The following ARHGAP39 variants were observed in gnomAD, a reference collection of about 807,000 sequenced individuals.
ARHGAP39 encodes rho GTPase-activating protein 39.
Under a neutral mutation model 106.9 loss-of-function variants are expected in ARHGAP39, and 44 were observed. The ratio of observed to expected loss-of-function variants is 0.41; its 90% CI spans 0.32 to 0.53. ARHGAP39 has a LOEUF of 0.53. ARHGAP39 is among the 20% of genes least tolerant of loss of function. The pLI is 0.21. For missense variants in ARHGAP39, 1,496 were observed against 1,577.3 expected, an observed-to-expected ratio of 0.95 and a Z score of 0.87; for synonymous variants, 768 against 693.2, an observed-to-expected ratio of 1.11 and a Z score of -1.69.
intron 2 of ARHGAP39, among the ~76,000 whole-genome samples, chr8:144,588,545 C>T (rs904995961): frequency 2.5e-4 from 38 of 152,204 alleles, no homozygotes; most frequent in African/African-American, 7.2e-4. Flanking sequence ...CCGCGGAGAG[C>T]GGCAGACTGG....
In ARHGAP39 at chr8:144,684,249, T is replaced by C. The variant is rs1304196757; in HGVS notation, c.-82+1437A>G. The stretch of plus-strand genomic sequence containing the variant: ...CAGAGCCTGCGCCCAGGGCGGTTTA[T>C]GGAATGAGTCTCCTCGATTTACAGC... On this transcript the variant is annotated intron_variant, in intron 1 of 11. Transcript: ENST00000377307. The surrounding 1 kb of genome is among the most constrained non-coding windows in gnomAD (Gnocchi z 4.4). Among the ~76,000 whole-genome samples, 1 of 152,188 alleles carries C rather than the reference T, an allele frequency of 6.6e-6. No homozygotes were observed. The highest frequency in any genetic ancestry group is 6.5e-5 in the Admixed American group (1 of 15,284).
chr8:144,569,348 A>G (rs539882536), intron 3 of ARHGAP39, among the ~76,000 whole-genome samples: 1 of 152,260 alleles, frequency 6.6e-6, no homozygotes, highest in African/African-American at 2.4e-5. Flanking sequence ...AGACTTGTAC[A>G]TGAATGTTCA....
Position 144,529,222 on chromosome 8 carries a change from G to C in ARHGAP39, c.*1200C>G, listed in dbSNP as rs981036911. ...TATTCACTCGTGTCGTCGCCTCTCG[G>C]GTCCATGCGTCGGGGCGAGCGTCTC... On this transcript the variant is annotated 3_prime_UTR_variant, in exon 12 of 12. Coordinates refer to ENST00000377307, the MANE Select transcript of ARHGAP39 (RefSeq NM_025251.3). 2 of 275,948 alleles carry C rather than the reference G, an allele frequency of 7.2e-6. No individual in the cohort carries two copies. Among genetic ancestry groups the C allele is most frequent in the Admixed American group, 1.1e-4 (2 of 18,292 alleles). 17.1% of individuals were successfully genotyped at this position (275,948 alleles called of 1,614,324 possible). A position where few individuals can be genotyped will look rare whatever the true frequency, so the allele number is the denominator to read the frequency against.
chr8:144,537,008 C>A, intron 7 of ARHGAP39, among the ~76,000 whole-genome samples: 1 of 152,210 alleles, frequency 6.6e-6, no homozygotes, highest in Admixed American at 6.5e-5. Flanking sequence ...GACCACACTG[C>A]AGGGGTCGGG....
rs1284383406 is a variant in ARHGAP39, at chr8:144,647,572, C to G, written c.-82+38114G>C. On this transcript the variant is annotated intron_variant, in intron 1 of 11. Transcript: ENST00000377307. This position sits in a 1 kb window ranked among gnomAD's most constrained non-coding sequence, Gnocchi z 4.8. The stretch of plus-strand genomic sequence containing the variant: ...CCACGCCTGAACAGAGACTCTCATT[C>G]TTCCTGAGGAAATGAAAACAAAACA... 6.6e-6 allele frequency among the ~76,000 whole-genome samples: 1 copy of G among 152,268 alleles called. No homozygotes were observed. Among genetic ancestry groups the G allele is most frequent in the African/African-American group, 2.4e-5 (1 of 41,476 alleles).
At chr8:144,626,973 C>T (rs375292543) in intron 1 of ARHGAP39, among the ~76,000 whole-genome samples, 1 of 152,242 alleles carries the variant, frequency 6.6e-6, no homozygotes, top group East Asian at 1.9e-4. Context: ...TTGCAGCTGT[C>T]GGGGCCATGT....
chr8:144,633,237 T>C (rs1373112905), intron 1 of ARHGAP39, among the ~76,000 whole-genome samples: 2 of 152,136 alleles, frequency 1.3e-5, no homozygotes, highest in Non-Finnish European at 2.9e-5. Context: ...GGCAGGTGGA[T>C]CATGAGGTCA....
In ARHGAP39 at chr8:144,684,886, G is replaced by A. The variant is rs948240356; in HGVS notation, c.-82+800C>T. Among the ~76,000 whole-genome samples, 6 of 152,190 alleles carry A rather than the reference G, an allele frequency of 3.9e-5. No homozygotes were observed. Among genetic ancestry groups the A allele is most frequent in the African/African-American group, 1.4e-4 (6 of 41,458 alleles). On this transcript the variant is annotated intron_variant, in intron 1 of 11. Coordinates refer to ENST00000377307, the MANE Select transcript of ARHGAP39 (RefSeq NM_025251.3). The surrounding 1 kb of genome is among the most constrained non-coding windows in gnomAD (Gnocchi z 4.4). Reference sequence around the variant, plus strand: ...CATGACCCCACCTGGAGACGCCCATGTCCGCTCCCTGCGCCCCGGGGACAA... The same window carrying A: ...CATGACCCCACCTGGAGACGCCCATATCCGCTCCCTGCGCCCCGGGGACAA...
intron 1 of ARHGAP39, among the ~76,000 whole-genome samples, chr8:144,663,564 A>AAACCACAGCC (rs1821887996): frequency 6.6e-6 from 1 of 152,132 alleles, no homozygotes; most frequent in African/African-American, 2.4e-5. Flanking sequence ...GGGACTGAAC[A>AAACCACAGCC]AACCACAGCC....
rs1821475100 is a variant in ARHGAP39, at chr8:144,647,481, G to A, written c.-82+38205C>T. Among the ~76,000 whole-genome samples, 1 of 152,196 alleles carries A rather than the reference G, an allele frequency of 6.6e-6. No individual in the cohort carries two copies. Among genetic ancestry groups the A allele is most frequent in the Non-Finnish European group, 1.5e-5 (1 of 68,026 alleles). ...CATGGCCCCAGAACATTCCCACAAGGAAAGGCTATCGGCAGCCTGCAGCCG... is the reference window on the plus strand; with the variant it reads ...CATGGCCCCAGAACATTCCCACAAGAAAAGGCTATCGGCAGCCTGCAGCCG... On this transcript the variant is annotated intron_variant, in intron 1 of 11. Coordinates refer to ENST00000377307, the MANE Select transcript of ARHGAP39 (RefSeq NM_025251.3). The surrounding 1 kb of genome is among the most constrained non-coding windows in gnomAD (Gnocchi z 4.8).
the ARHGAP39 span, among the ~76,000 whole-genome samples, chr8:144,699,759 C>A: frequency 6.6e-6 from 1 of 151,932 alleles, no homozygotes; most frequent in African/African-American, 2.4e-5. Context: ...GGTAGGAAAG[C>A]GGGCTTCTCA....
intron 1 of ARHGAP39, among the ~76,000 whole-genome samples, chr8:144,608,054 G>A (rs1820358365): frequency 6.6e-6 from 1 of 151,368 alleles, no homozygotes; most frequent in African/African-American, 2.4e-5. Flanking sequence ...CTACGCAGGA[G>A]GCTGAGGCAG....
chr8:144,678,643 C>A (rs888587734), intron 1 of ARHGAP39, among the ~76,000 whole-genome samples: 3 of 152,236 alleles, frequency 2.0e-5, no homozygotes, highest in African/African-American at 7.2e-5. Context: ...AGCAGAGTCA[C>A]TCGCCTAGAC....
chr8:144,589,761 C>A (rs1263585724), intron 2 of ARHGAP39, among the ~76,000 whole-genome samples: 1 of 152,222 alleles, frequency 6.6e-6, no homozygotes, highest in Admixed American at 6.5e-5. Flanking sequence ...CGGAGGCCTC[C>A]CACGACTCTG....
chr8:144,692,399 G>C, the ARHGAP39 span, among the ~76,000 whole-genome samples: 1 of 152,224 alleles, frequency 6.6e-6, no homozygotes, highest in Admixed American at 6.5e-5. Flanking sequence ...CCTCAGCTGT[G>C]CACCCACAAT....
chr8:144,634,225 T>C (rs2130982025), intron 1 of ARHGAP39, among the ~76,000 whole-genome samples: 1 of 63,316 alleles, frequency 1.6e-5, no homozygotes, highest in South Asian at 8.0e-4. Context: ...CACTCCTGTC[T>C]GGAACTCCAG....
In ARHGAP39 at chr8:144,530,487, C is replaced by T; in HGVS notation, c.3280G>A (p.Glu1094Lys). 6.2e-7 allele frequency: 1 copy of T among 1,611,852 alleles called. No individual in the cohort carries two copies. The highest frequency in any genetic ancestry group is 8.5e-7 in the Non-Finnish European group (1 of 1,179,578). ...ATGAGCACCCGCAGGAAGGACATCT[C>T]CTTGCGGGTGTTCTCGAAGATGACG... ...PRVIFENTRK[E>K]MSFLRVLIQH... The change falls in exon 12 of 12, where the codon GAG (glutamate) becomes AAG (lysine). Residue 1094 changes from glutamate (E) to lysine (K), a missense_variant. Glu to Lys is a moderately conservative substitution (Grantham distance 56). Around this residue, in one of 4 missense-constraint regions of ARHGAP39, gnomAD observed 470 missense variants for 605.1 expected, o/e 0.78. Coordinates refer to ENST00000377307, the MANE Select transcript of ARHGAP39 (RefSeq NM_025251.3).
Position 144,533,135 on chromosome 8 carries a change from C to A in ARHGAP39, c.2879G>T (p.Gly960Val). Residue 960 changes from glycine to valine, a missense_variant, in exon 9 of 12, where the codon GGC (glycine) becomes GTC (valine). This residue lies in a region of ARHGAP39 where 470 missense variants were observed against 605.1 expected (regional missense o/e 0.78). Coordinates refer to ENST00000377307, the MANE Select transcript of ARHGAP39 (RefSeq NM_025251.3). ...VLALNGDQTEGIFRVPGDIDE... is the reference protein window; with the variant it reads ...VLALNGDQTEVIFRVPGDIDE... ...GGGGTTGCCGTGGCACCTGAAGATGCCCTCTGTCTGGTCACCGTTGAGCGC... is the reference window on the plus strand; with the variant it reads ...GGGGTTGCCGTGGCACCTGAAGATGACCTCTGTCTGGTCACCGTTGAGCGC... 6.2e-7 allele frequency: 1 copy of A among 1,600,868 alleles called. No individual in the cohort carries two copies. Among genetic ancestry groups the A allele is most frequent in the Non-Finnish European group, 8.5e-7 (1 of 1,174,704 alleles).
chr8:144,598,643 A>C (rs752092447), intron 2 of ARHGAP39, among the ~76,000 whole-genome samples: 5 of 152,230 alleles, frequency 3.3e-5, no homozygotes, highest in African/African-American at 4.8e-5. Context: ...ACCACACACA[A>C]GAACCAAGGC....
Sources: allele counts gnomAD v4.1 joint callset (sites outside exome capture counted in the v4.1 genomes callset), GRCh38; gene constraint gnomAD v4.1.1; regional missense constraint gnomAD v4.1.1; non-coding constraint Gnocchi (gnomAD v3.1); transcripts MANE v1.5; gene names NCBI Gene and HGNC (gene_info 2026-07-23, HGNC 2026-07-21).